Variants in MTF2 observed in about 807,000 individuals in gnomAD.
MTF2 encodes metal-response element-binding transcription factor 2.
Under a neutral mutation model 79.5 loss-of-function variants are expected in MTF2, and 11 were observed. The observed-to-expected ratio is 0.14, with a 90% CI of 0.09 to 0.23. The LOEUF is 0.23. Ranked by LOEUF, MTF2 falls within the 10% of genes least tolerant of loss-of-function variation. The probability of loss-of-function intolerance (pLI) is 1.00; values close to 1 mark genes in which losing one functional copy is unlikely to be tolerated. For missense variants in MTF2, 486 were observed against 711.2 expected, an observed-to-expected ratio of 0.68 and a Z score of 3.60; for synonymous variants, 208 against 232.8, an observed-to-expected ratio of 0.89 and a Z score of 0.97.
rs540824825 is a variant in MTF2, at chr1:93,087,337, C to CGAGGT, written c.5+7808_5+7812dup. Among the ~76,000 whole-genome samples, 125 of 152,132 alleles carry CGAGGT rather than the reference C, an allele frequency of 8.2e-4. 1 individual carries two copies. The highest frequency in any genetic ancestry group is 2.9e-3 in the African/African-American group (122 of 41,502). ...CTGTAATCCCAGCACTTTGGGAGGC[C>CGAGGT]GAGGTGGGTGGATCACCTGAGGTCG... On this transcript the variant is annotated intron_variant, in intron 1 of 14. Transcript: ENST00000370298.
chr1:93,114,885 A>G, intron 4 of MTF2, 102 bp downstream of exon 4: 1 of 1,204,936 alleles, frequency 8.3e-7, no homozygotes, highest in Non-Finnish European at 1.2e-6. Flanking sequence ...TATCCTTTTT[A>G]TTAATTATAT....
intron 3 of MTF2, among the ~76,000 whole-genome samples, chr1:93,111,496 G>GT (rs1188463626): frequency 6.6e-6 from 1 of 152,074 alleles, no homozygotes; most frequent in African/African-American, 2.4e-5. Flanking sequence ...TTTCTGCCAT[G>GT]TTTTAGTTCT....
At chr1:93,104,908 G>A (rs913983883) in intron 1 of MTF2, among the ~76,000 whole-genome samples, 2 of 152,064 alleles carry the variant, frequency 1.3e-5, no homozygotes, top group Admixed American at 6.5e-5. Flanking sequence ...TGTAATCCCA[G>A]CACTTTGGGA....
At chr1:93,102,946 A>G (rs773421631) in intron 1 of MTF2, among the ~76,000 whole-genome samples, 4 of 152,100 alleles carry the variant, frequency 2.6e-5, no homozygotes, top group Non-Finnish European at 4.4e-5. Context: ...CCTGGCCAAC[A>G]TAGTGAAACC....
At chr1:93,113,086 C>T (rs757260239) in intron 3 of MTF2, among the ~76,000 whole-genome samples, 5 of 151,954 alleles carry the variant, frequency 3.3e-5, no homozygotes, top group Non-Finnish European at 7.4e-5. Flanking sequence ...CGAAGTGTAC[C>T]AAGAAGCAAA....
At chr1:93,080,929 A>G (rs1654577771) in intron 1 of MTF2, 1 of 152,154 alleles carries the variant, frequency 6.6e-6, no homozygotes, top group Admixed American at 6.5e-5. Context: ...TTTAGTTATA[A>G]CTTGAGAGGG....
chr1:93,126,973 CAT>C (rs1264495352), intron 9 of MTF2, among the ~76,000 whole-genome samples: 1 of 152,086 alleles, frequency 6.6e-6, no homozygotes, highest in African/African-American at 2.4e-5. Flanking sequence ...CCTTCATAAA[CAT>C]ATCGTTGGAT....
At position 93,138,278 on chromosome 1, in the gene MTF2, T is replaced by C. The variant is rs1183493444; in HGVS notation, c.*1251T>C. The stretch of plus-strand genomic sequence containing the variant: ...TTGTCTTCTGTTTCTTTTTGTTTTG[T>C]TTTATTTGTTTTCCTTTTTAGCCAA... On this transcript the variant is annotated 3_prime_UTR_variant, in exon 15 of 15. Transcript: ENST00000370298. 6.6e-6 allele frequency: 1 copy of C among 152,210 alleles called. No individual in the cohort carries two copies. The highest frequency in any genetic ancestry group is 1.5e-5 in the Non-Finnish European group (1 of 68,026). The allele number at this position is 152,210 out of a possible 1,614,324, so 9.4% of individuals were successfully genotyped here.
At chr1:93,130,316 A>G (rs984300763) in intron 11 of MTF2, among the ~76,000 whole-genome samples, 1 of 152,172 alleles carries the variant, frequency 6.6e-6, no homozygotes, top group African/African-American at 2.4e-5. Flanking sequence ...ACTGGCTCAC[A>G]CCTGTAATCC....
At chr1:93,109,717 G>A (rs1313110471) in intron 1 of MTF2, among the ~76,000 whole-genome samples, 1 of 151,974 alleles carries the variant, frequency 6.6e-6, no homozygotes, top group Non-Finnish European at 1.5e-5. Flanking sequence ...CTGCATATTT[G>A]CTCAATTCAG....
chr1:93,108,561 G>A (rs542681675), intron 1 of MTF2, among the ~76,000 whole-genome samples: 1 of 148,738 alleles, frequency 6.7e-6, no homozygotes, highest in South Asian at 2.1e-4. Context: ...TCTTATTGGG[G>A]TTTCCCTGTA....
Position 93,079,539 on chromosome 1 carries a change from A to G in MTF2, c.5+8A>G. 1 of 1,611,898 alleles carries G rather than the reference A, an allele frequency of 6.2e-7. No individual in the cohort carries two copies. The highest frequency in any genetic ancestry group is 8.5e-7 in the Non-Finnish European group (1 of 1,179,750). On this transcript the variant is annotated splice_region_variant and intron_variant, in intron 1 of 14. Transcript: ENST00000370298. ...CTGAAGTGACCGAATGAGGTGAGAG[A>G]CCTTGGCCTGGGAACCGACTCTTCC... is the stretch of plus-strand genomic sequence containing the variant.
chr1:93,122,831 T>G (rs919496609), intron 9 of MTF2, among the ~76,000 whole-genome samples: 4 of 152,136 alleles, frequency 2.6e-5, no homozygotes, highest in African/African-American at 7.2e-5. Flanking sequence ...TAATTATAAT[T>G]GGATTTTAGG....
intron 9 of MTF2, among the ~76,000 whole-genome samples, chr1:93,122,976 A>G (rs1028875033): frequency 6.6e-6 from 1 of 152,078 alleles, no homozygotes. Flanking sequence ...GTCATTCCAA[A>G]TTATTTGAAT....
chr1:93,101,822 C>T (rs112054125), intron 1 of MTF2, among the ~76,000 whole-genome samples: 13,309 of 151,894 alleles, frequency 0.088, 654 homozygotes, highest in African/African-American at 0.13. Flanking sequence ...AAGCACTCCT[C>T]CCGCCTTGGC....
intron 1 of MTF2, among the ~76,000 whole-genome samples, chr1:93,081,715 C>T (rs997410251): frequency 6.6e-6 from 1 of 152,104 alleles, no homozygotes; most frequent in Non-Finnish European, 1.5e-5. Flanking sequence ...TGTTCTATAT[C>T]TGCTGTATCC....
At chr1:93,134,003 C>T (rs1647265229) in intron 13 of MTF2, 23 bp downstream of exon 13, 1 of 1,558,288 alleles carries the variant, frequency 6.4e-7, no homozygotes. Flanking sequence ...TTATTTTCTC[C>T]CTTTCTAGGT....
intron 7 of MTF2, 113 bp from the exon 8 acceptor site, chr1:93,119,220 G>A (rs1656371697): frequency 1.4e-6 from 1 of 690,006 alleles, no homozygotes; most frequent in Non-Finnish European, 2.4e-6. Context: ...TTTGTTTTGA[G>A]TATCAGTCTT....
At chr1:93,113,874 A>G (rs1190245968) in intron 3 of MTF2, among the ~76,000 whole-genome samples, 1 of 152,152 alleles carries the variant, frequency 6.6e-6, no homozygotes, top group Admixed American at 6.5e-5. Flanking sequence ...GCACAAAATT[A>G]TAAGTTTTTA....
Sources: allele counts gnomAD v4.1 joint callset (sites outside exome capture counted in the v4.1 genomes callset), GRCh38; gene constraint gnomAD v4.1.1; transcripts MANE v1.5; gene names NCBI Gene and HGNC (gene_info 2026-07-23, HGNC 2026-07-21).